The following METTL15 variants were observed in gnomAD, a reference collection of about 807,000 sequenced individuals.
METTL15 encodes methyltransferase 15, mitochondrial 12S rRNA N4-cytidine.
A neutral mutation model predicts 38.3 loss-of-function variants in METTL15; 34 were observed. The observed-to-expected ratio is 0.89, with a 90% CI of 0.68 to 1.18. The LOEUF is 1.18. Ranked by LOEUF, METTL15 falls within the 50% of genes most tolerant of loss-of-function variation. The pLI is 0.00. For synonymous variants in METTL15, 162 were observed against 170.9 expected, an observed-to-expected ratio of 0.95 and a Z score of 0.41; for missense variants, 438 against 498.4, an observed-to-expected ratio of 0.88 and a Z score of 1.15.
intron 5 of METTL15, among the ~76,000 whole-genome samples, chr11:28,372,708 T>C (rs1260114365): frequency 6.6e-6 from 1 of 151,192 alleles, no homozygotes; most frequent in Non-Finnish European, 1.5e-5. Context: ...CATGCTGGTG[T>C]GCTGCACCCA....
At position 28,414,705 on chromosome 11, in the gene METTL15, G is replaced by A. The variant is rs117450387; in HGVS notation, c.*359-9594G>A. On this transcript the variant is annotated intron_variant and NMD_transcript_variant, in intron 5 of 7. Coordinates refer to the METTL15 transcript ENST00000532947. ...ATTTGGTGAGGAAAATAGGAAACTA[G>A]ACAAATCTTTTGAAAATAGAAATTA... Among the ~76,000 whole-genome samples the A allele has an allele frequency of 7.0e-3, 1,060 of 152,200 alleles. 15 individuals are homozygous for A. Among genetic ancestry groups the A allele is most frequent in the Middle Eastern group, 0.027 (8 of 294 alleles).
rs1849810684 is a variant in METTL15 at position 28,331,347 on chromosome 11, A to C, written c.*506A>C. 6.8e-6 allele frequency: 1 copy of C among 147,386 alleles called. No individual in the cohort carries two copies. The highest frequency in any genetic ancestry group is 1.5e-5 in the Non-Finnish European group (1 of 66,730). The allele number at this position is 147,386 out of a possible 1,614,324, so 9.1% of individuals were successfully genotyped here. On this transcript the variant is annotated 3_prime_UTR_variant, in exon 7 of 7. Coordinates refer to ENST00000407364, the MANE Select transcript of METTL15 (RefSeq NM_001113528.2). The stretch of plus-strand genomic sequence containing the variant: ...GCTTTTTACAAATTTTAAATTTTAA[A>C]ATATTAGTTTAAATGTGTGTTATAC...
intron 5 of METTL15, among the ~76,000 whole-genome samples, chr11:28,377,353 C>A (rs12290657): frequency 6.6e-6 from 1 of 151,940 alleles, no homozygotes; most frequent in Non-Finnish European, 1.5e-5. Context: ...GAGGCTTTGC[C>A]GTTTCCTTTT....
At chr11:28,516,968 C>A (rs1482593134) in intron 6 of METTL15, 1 of 152,190 alleles carries the variant, frequency 6.6e-6, no homozygotes, top group Non-Finnish European at 1.5e-5. Context: ...GAACAATAAG[C>A]AAGGGTCAAA....
intron 6 of METTL15, among the ~76,000 whole-genome samples, chr11:28,456,855 T>G (rs7103868): frequency 3.9e-5 from 6 of 152,052 alleles, no homozygotes; most frequent in African/African-American, 7.2e-5. Context: ...GCACCAGATA[T>G]GTGGATGAAG....
At chr11:28,175,213 T>G (rs1286129189) in intron 3 of METTL15, among the ~76,000 whole-genome samples, 3 of 152,042 alleles carry the variant, frequency 2.0e-5, no homozygotes, top group African/African-American at 4.8e-5. Flanking sequence ...TTTTTTGTCC[T>G]TGCGATAGTT....
chr11:28,286,903 ATG>A (rs1207639483), intron 4 of METTL15, among the ~76,000 whole-genome samples: 6 of 151,608 alleles, frequency 4.0e-5, no homozygotes, highest in South Asian at 4.2e-4. Flanking sequence ...CTATATATAT[ATG>A]TGTGTGTGTA....
chr11:28,443,386 G>A (rs1382865985), intron 6 of METTL15, among the ~76,000 whole-genome samples: 1 of 151,980 alleles, frequency 6.6e-6, no homozygotes, highest in Non-Finnish European at 1.5e-5. Context: ...TCAGCAGTTG[G>A]CCCTCTTCTG....
intron 4 of METTL15, among the ~76,000 whole-genome samples, chr11:28,289,392 T>A (rs1205495796): frequency 6.6e-6 from 1 of 152,138 alleles, no homozygotes; most frequent in Non-Finnish European, 1.5e-5. Flanking sequence ...ACGTAAATTA[T>A]CCAACACTGT....
At chr11:28,249,761 G>T (rs1394288650) in intron 4 of METTL15, among the ~76,000 whole-genome samples, 1 of 151,768 alleles carries the variant, frequency 6.6e-6, no homozygotes, top group Non-Finnish European at 1.5e-5. Flanking sequence ...AAATACACAT[G>T]CAGGTTTGTT....
intron 5 of METTL15, among the ~76,000 whole-genome samples, chr11:28,414,341 T>C: frequency 6.6e-6 from 1 of 152,074 alleles, no homozygotes; most frequent in Non-Finnish European, 1.5e-5. Flanking sequence ...CTAACTTCTC[T>C]TTCCGAACCT....
intron 5 of METTL15, among the ~76,000 whole-genome samples, chr11:28,397,341 A>C (rs1850582208): frequency 6.6e-6 from 1 of 152,160 alleles, no homozygotes; most frequent in Non-Finnish European, 1.5e-5. Flanking sequence ...CAATCTACTC[A>C]TCTGACAAAG....
chr11:28,460,722 G>T (rs1851207011), intron 6 of METTL15, among the ~76,000 whole-genome samples: 1 of 152,038 alleles, frequency 6.6e-6, no homozygotes, highest in East Asian at 1.9e-4. Context: ...TTACAACACT[G>T]TGGGGGCTCA....
intron 3 of METTL15, among the ~76,000 whole-genome samples, chr11:28,183,460 A>C (rs1368827414): frequency 6.6e-6 from 1 of 152,080 alleles, no homozygotes; most frequent in African/African-American, 2.4e-5. Context: ...GAGAGTTTTT[A>C]GCATGAAAGG....
intron 6 of METTL15, among the ~76,000 whole-genome samples, chr11:28,428,773 T>C (rs1264524618): frequency 6.6e-6 from 1 of 152,194 alleles, no homozygotes; most frequent in Non-Finnish European, 1.5e-5. Flanking sequence ...TGAGCTTAAG[T>C]AACTTCTAGA....
chr11:28,265,830 G>A lies in METTL15; in HGVS notation c.408-24376G>A, dbSNP rs561229636. Reference sequence around the variant, plus strand: ...GAGATCTTAATTTCTTTTTTATTACGCTTTAAATGTTAGGGTACATGTGCA... The same window carrying A: ...GAGATCTTAATTTCTTTTTTATTACACTTTAAATGTTAGGGTACATGTGCA... On this transcript the variant is annotated intron_variant, in intron 4 of 6. Coordinates refer to ENST00000407364, the MANE Select transcript of METTL15 (RefSeq NM_001113528.2). 2.0e-3 allele frequency among the ~76,000 whole-genome samples: 309 copies of A among 152,152 alleles called. 1 individual carries two copies. Among genetic ancestry groups the A allele is most frequent in the African/African-American group, 6.1e-3 (252 of 41,508 alleles).
chr11:28,130,246 G>A (rs1239783255), intron 3 of METTL15, among the ~76,000 whole-genome samples: 1 of 152,126 alleles, frequency 6.6e-6, no homozygotes, highest in Admixed American at 6.6e-5. Context: ...TGGAGGTCAA[G>A]GCTGCAGTAA....
intron 6 of METTL15, among the ~76,000 whole-genome samples, chr11:28,467,936 C>T (rs984985371): frequency 4.6e-5 from 7 of 152,064 alleles, no homozygotes; most frequent in South Asian, 2.1e-4. Context: ...TCGCACTTCC[C>T]CATTCTAAAT....
intron 6 of METTL15, among the ~76,000 whole-genome samples, chr11:28,472,216 C>T (rs1183146097): frequency 1.3e-5 from 2 of 152,086 alleles, no homozygotes; most frequent in Admixed American, 6.6e-5. Context: ...TCTTTGCTCT[C>T]CTATTTACTT....
Sources: gnomAD v4.1 joint callset for allele counts (sites outside exome capture counted in the v4.1 genomes callset) on GRCh38, gnomAD v4.1.1 for gene constraint, MANE v1.5 for transcripts, NCBI Gene and HGNC (gene_info 2026-07-23, HGNC 2026-07-21) for gene names.